The following NFIB variants were observed in gnomAD, a reference collection of about 807,000 sequenced individuals.
NFIB encodes the protein nuclear factor 1 B-type.
A neutral mutation model predicts 61.5 loss-of-function variants in NFIB; 11 were observed. The ratio of observed to expected loss-of-function variants is 0.18; its 90% CI spans 0.11 to 0.30. The LOEUF is 0.30. Among genes scored for constraint, NFIB ranks in the 10% least tolerant of loss-of-function variants. The probability of loss-of-function intolerance (pLI) is 1.00; values close to 1 mark genes in which losing one functional copy is unlikely to be tolerated. For missense variants in NFIB, 471 were observed against 608.9 expected, an observed-to-expected ratio of 0.77 and a Z score of 2.38; for synonymous variants, 260 against 216.5, an observed-to-expected ratio of 1.20 and a Z score of -1.76.
chr9:14,184,610 T>C (rs1393301332), intron 2 of NFIB, among the ~76,000 whole-genome samples: 1 of 152,214 alleles, frequency 6.6e-6, no homozygotes, highest in African/African-American at 2.4e-5. Context: ...TAATAGCCTG[T>C]AAAGTATTTC....
intron 7 of NFIB, among the ~76,000 whole-genome samples, chr9:14,121,912 G>C (rs2038988373): frequency 6.6e-6 from 1 of 152,098 alleles, no homozygotes; most frequent in African/African-American, 2.4e-5. Flanking sequence ...TGGAGAAAGA[G>C]TGTAATCGTA....
intron 5 of NFIB, among the ~76,000 whole-genome samples, chr9:14,147,257 G>C (rs1470463655): frequency 2.6e-5 from 4 of 152,094 alleles, no homozygotes; most frequent in Non-Finnish European, 5.9e-5. Context: ...GGTCAAGACA[G>C]TCCTAGTATA....
intron 2 of NFIB, among the ~76,000 whole-genome samples, chr9:14,195,784 T>C (rs1421520296): frequency 2.6e-5 from 4 of 152,136 alleles, no homozygotes; most frequent in Admixed American, 6.5e-5. Context: ...ATTAAGGGTA[T>C]GTATGTCACA....
chr9:14,303,165 T>C (rs1197438335), intron 2 of NFIB, among the ~76,000 whole-genome samples: 1 of 152,164 alleles, frequency 6.6e-6, no homozygotes, highest in Non-Finnish European at 1.5e-5. Context: ...TCTCAAAATG[T>C]TACTATAAAA....
Position 14,261,123 on chromosome 9 carries a change from C to T in NFIB, c.562+45866G>A, listed in dbSNP as rs958939847. ...CCTGATGTCAGGAATTTGAGACCAG[C>T]CTGGCCACCACAGTGAAACCCCGTC... On this transcript the variant is annotated intron_variant, in intron 2 of 10. Transcript: ENST00000380953. 4.6e-5 allele frequency among the ~76,000 whole-genome samples: 7 copies of T among 152,134 alleles called. 1 individual carries two copies. In the South Asian group the frequency reaches 1.5e-3, roughly 32 times the overall value.
At chr9:14,228,195 TTC>T (rs2052675360) in intron 2 of NFIB, among the ~76,000 whole-genome samples, 1 of 128,548 alleles carries the variant, frequency 7.8e-6, no homozygotes, top group Non-Finnish European at 1.6e-5. Flanking sequence ...AACTTTATGA[TTC>T]TTTTTTTTTT....
At chr9:14,172,595 A>G (rs898753465) in intron 3 of NFIB, among the ~76,000 whole-genome samples, 1 of 152,220 alleles carries the variant, frequency 6.6e-6, no homozygotes, top group African/African-American at 2.4e-5. Context: ...TTTTATGCCA[A>G]TAGGCTTATA....
At chr9:14,321,978 G>C in intron 1 of NFIB, 1 of 1,230,110 alleles carries the variant, frequency 8.1e-7, no homozygotes, top group East Asian at 3.2e-5. Flanking sequence ...GAGATCTTGA[G>C]TCTGTAACAG....
chr9:14,439,093 C>T, the NFIB span, among the ~76,000 whole-genome samples: 2 of 152,166 alleles, frequency 1.3e-5, no homozygotes, highest in South Asian at 2.1e-4. Context: ...GTTTCAGGCT[C>T]GGCGTTGTGG....
At chr9:14,242,189 T>C (rs1450068348) in intron 2 of NFIB, among the ~76,000 whole-genome samples, 3 of 152,242 alleles carry the variant, frequency 2.0e-5, no homozygotes, top group South Asian at 4.1e-4. Context: ...TGATTCTGAA[T>C]GCAAAATGAG....
intron 2 of NFIB, chr9:14,305,810 C>A (rs531850071): frequency 1.2e-4 from 39 of 337,958 alleles, no homozygotes; most frequent in African/African-American, 5.3e-4. Context: ...ATATAACAAA[C>A]CTCAGGTAAC....
At position 14,313,898 on chromosome 9, in the gene NFIB, G is replaced by A; in HGVS notation, c.-387C>T. On this transcript the variant is annotated 5_prime_UTR_variant, in exon 1 of 11. Transcript: ENST00000380953. The surrounding 1 kb of genome is among the most constrained non-coding windows in gnomAD (Gnocchi z 4.5). ...GGGGGTGCGCGAAGGTTCGGTGTGGGTTGGATTGGGGTGGTGGTTGGTGGT... is the reference window on the plus strand; with the variant it reads ...GGGGGTGCGCGAAGGTTCGGTGTGGATTGGATTGGGGTGGTGGTTGGTGGT... The A allele has an allele frequency of 9.4e-7, 1 of 1,058,572 alleles. No homozygotes were observed. Among genetic ancestry groups the A allele is most frequent in the Non-Finnish European group, 1.1e-6 (1 of 877,762 alleles). 65.6% of individuals were successfully genotyped at this position (1,058,572 alleles called of 1,614,324 possible).
chr9:14,249,548 G>T lies in NFIB; in HGVS notation c.562+57441C>A, dbSNP rs541467861. Among the ~76,000 whole-genome samples, 243 of 152,026 alleles carry T rather than the reference G, an allele frequency of 1.6e-3. 1 individual carries two copies. The highest frequency in any genetic ancestry group is 6.2e-3 in the South Asian group (30 of 4,822). On this transcript the variant is annotated intron_variant, in intron 2 of 10. Transcript: ENST00000380953. ...TTGTGATCCTTTGATTTGGGAAATT[G>T]TTTTCTCCCATTATCTTATAAACTT...
chr9:14,161,753 C>T (rs1290829143), intron 3 of NFIB, among the ~76,000 whole-genome samples: 1 of 152,098 alleles, frequency 6.6e-6, no homozygotes, highest in East Asian at 1.9e-4. Flanking sequence ...ATACACAAAT[C>T]TTTGTCAGCC....
chr9:14,459,278 A>G, the NFIB span, among the ~76,000 whole-genome samples: 1 of 152,222 alleles, frequency 6.6e-6, no homozygotes, highest in Non-Finnish European at 1.5e-5. Context: ...AGGATTCTCT[A>G]TTTCGTAAAT....
At chr9:14,308,892 G>A (rs1041324642) in intron 1 of NFIB, among the ~76,000 whole-genome samples, 45 of 152,020 alleles carry the variant, frequency 3.0e-4, no homozygotes, top group African/African-American at 9.4e-4. Flanking sequence ...AGTCAGTTTC[G>A]TTACTTCCTG....
chr9:14,319,186 GT>G (rs1027710593), intron 1 of NFIB, among the ~76,000 whole-genome samples: 1 of 146,180 alleles, frequency 6.8e-6, no homozygotes, highest in African/African-American at 2.5e-5. Context: ...CTACTCCACT[GT>G]TTAAAAAAAA....
intron 2 of NFIB, among the ~76,000 whole-genome samples, chr9:14,223,296 T>G (rs1419168966): frequency 6.6e-6 from 1 of 152,188 alleles, no homozygotes; most frequent in African/African-American, 2.4e-5. Flanking sequence ...GTCACTGAGC[T>G]GATCTACTCT....
intron 2 of NFIB, among the ~76,000 whole-genome samples, chr9:14,291,128 T>C (rs1377323642): frequency 6.6e-6 from 1 of 152,126 alleles, no homozygotes; most frequent in Non-Finnish European, 1.5e-5. Context: ...AGTCTCTTGA[T>C]ATACATAAGC....
Sources: allele counts gnomAD v4.1 joint callset (sites outside exome capture counted in the v4.1 genomes callset), GRCh38; gene constraint gnomAD v4.1.1; non-coding constraint Gnocchi (gnomAD v3.1); transcripts MANE v1.5; gene names NCBI Gene and HGNC (gene_info 2026-07-23, HGNC 2026-07-21).